Variants in FAM227A observed in about 807,000 individuals in gnomAD.
The protein encoded by FAM227A is family with sequence similarity 227 member A, also known as protein FAM227A.
A neutral mutation model predicts 74.7 loss-of-function variants in FAM227A; 80 were observed. The observed-to-expected ratio is 1.07, with a 90% CI of 0.89 to 1.29. FAM227A has a LOEUF of 1.29. FAM227A is among the 50% of genes most tolerant of loss of function. The pLI, the probability that FAM227A is intolerant of heterozygous loss-of-function variation, is 0.00. For synonymous variants in FAM227A, 237 were observed against 241.8 expected, an observed-to-expected ratio of 0.98 and a Z score of 0.19; for missense variants, 654 against 683.4, an observed-to-expected ratio of 0.96 and a Z score of 0.48.
rs114923363 is a variant in FAM227A, at chr22:38,637,613, C to A, written c.373-1016G>T. 4.4e-3 allele frequency among the ~76,000 whole-genome samples: 664 copies of A among 152,358 alleles called. 11 individuals are homozygous for A. Among genetic ancestry groups the A allele is most frequent in the African/African-American group, 0.016 (647 of 41,586 alleles). ...CAATGAAAGAACAGTTCATGATTCA[C>A]GGCACTGACTCTGAGTTAGATGACT... is the stretch of plus-strand genomic sequence containing the variant. On this transcript the variant is annotated intron_variant, in intron 5 of 16. Transcript: ENST00000535113.
At chr22:38,598,763 G>C (rs867747910) in intron 14 of FAM227A, among the ~76,000 whole-genome samples, 1 of 151,942 alleles carries the variant, frequency 6.6e-6, no homozygotes, top group Non-Finnish European at 1.5e-5. Context: ...CTATTTTACA[G>C]GTGAAAAAAA....
At chr22:38,595,601 C>G (rs958070842) in intron 15 of FAM227A, among the ~76,000 whole-genome samples, 1 of 152,176 alleles carries the variant, frequency 6.6e-6, no homozygotes, top group Admixed American at 6.5e-5. Flanking sequence ...TTCACACAGT[C>G]TGGGAGAATC....
chr22:38,650,132 T>C lies in FAM227A; in HGVS notation c.37A>G (p.Thr13Ala). The change falls in exon 2 of 17, where the codon ACC (threonine) becomes GCC (alanine). Residue 13 changes from threonine to alanine, a missense_variant. Transcript: ENST00000535113. ...TCCACTGGTATCATAGGTAGGGTGG[T>C]GAGGTTGATGACCTCCATCTTCCTG... Reference protein sequence around the residue: ...HFRKMEVINLTTLPMIPVDEH... With the variant: ...HFRKMEVINLATLPMIPVDEH... 4 of 1,551,784 alleles carry C rather than the reference T, an allele frequency of 2.6e-6. No individual in the cohort carries two copies.
chr22:38,590,897 G>A (rs1270099912), intron 16 of FAM227A, among the ~76,000 whole-genome samples: 1 of 151,992 alleles, frequency 6.6e-6, no homozygotes, highest in Non-Finnish European at 1.5e-5. Context: ...CGATTCTCCT[G>A]CCTCAGCCTC....
chr22:38,637,487 T>G (rs1300353973), intron 5 of FAM227A, among the ~76,000 whole-genome samples: 1 of 152,184 alleles, frequency 6.6e-6, no homozygotes, highest in Non-Finnish European at 1.5e-5. Flanking sequence ...ATAAAAAATG[T>G]AAAAATATGG....
chr22:38,613,435 T>C (rs914321752), intron 11 of FAM227A, among the ~76,000 whole-genome samples: 1 of 38,006 alleles, frequency 2.6e-5, no homozygotes, highest in Non-Finnish European at 7.8e-5. Flanking sequence ...TTGTTTGTTT[T>C]CCCCCCTGCA....
chr22:38,648,320 AAAAAG>A (rs944525338), intron 2 of FAM227A, among the ~76,000 whole-genome samples: 3 of 151,966 alleles, frequency 2.0e-5, no homozygotes, highest in Non-Finnish European at 4.4e-5. Flanking sequence ...AAAAAAAAAA[AAAAAG>A]GCTGGGTGCA....
intron 10 of FAM227A, among the ~76,000 whole-genome samples, chr22:38,621,117 G>A (rs2091680164): frequency 6.6e-6 from 1 of 152,030 alleles, no homozygotes; most frequent in Non-Finnish European, 1.5e-5. Context: ...TGGGTGGATT[G>A]CTTGAGCTCA....
At chr22:38,615,365 A>C (rs909647740) in intron 11 of FAM227A, among the ~76,000 whole-genome samples, 2 of 152,220 alleles carry the variant, frequency 1.3e-5, no homozygotes, top group African/African-American at 2.4e-5. Flanking sequence ...TCTAAACAAC[A>C]CATCAACCCA....
chr22:38,615,916 TG>T (rs1183394652), intron 11 of FAM227A, among the ~76,000 whole-genome samples: 59 of 152,100 alleles, frequency 3.9e-4, no homozygotes, highest in African/African-American at 1.4e-3. Flanking sequence ...TCACCTGGAT[TG>T]AGGTTCCTCA....
intron 15 of FAM227A, among the ~76,000 whole-genome samples, chr22:38,595,565 T>C (rs143409157): frequency 1.9e-3 from 295 of 152,372 alleles, no homozygotes; most frequent in African/African-American, 7.0e-3. Context: ...CTAAAACCAC[T>C]GTGTGAAAGA....
intron 15 of FAM227A, among the ~76,000 whole-genome samples, chr22:38,594,102 A>T (rs995731726): frequency 6.6e-6 from 1 of 152,158 alleles, no homozygotes; most frequent in Non-Finnish European, 1.5e-5. Context: ...ACAGGGACTT[A>T]CATCTTCCCC....
At chr22:38,629,426 C>T (rs1003065248) in intron 6 of FAM227A, among the ~76,000 whole-genome samples, 1 of 152,224 alleles carries the variant, frequency 6.6e-6, no homozygotes, top group Admixed American at 6.5e-5. Flanking sequence ...GCCCTGGCTC[C>T]AAAGCTCCCA....
chr22:38,604,144 T>C (rs1019732133), intron 13 of FAM227A, among the ~76,000 whole-genome samples: 2 of 151,956 alleles, frequency 1.3e-5, no homozygotes, highest in African/African-American at 4.8e-5. Flanking sequence ...CTGGCCAACA[T>C]GGTGAAACCC....
rs2090718505 is a variant in FAM227A at position 38,582,347 on chromosome 22, G to C, written c.*3778C>G. 6.5e-7 allele frequency: 1 copy of C among 1,549,824 alleles called. No individual in the cohort carries two copies. Among genetic ancestry groups the C allele is most frequent in the Admixed American group, 2.0e-5 (1 of 50,942 alleles). ...TAGGATTTTAACTTCATCTCTTCTAGTTTAACATCTGAATTTATCTTCTTC... is the reference window on the plus strand; with the variant it reads ...TAGGATTTTAACTTCATCTCTTCTACTTTAACATCTGAATTTATCTTCTTC... On this transcript the variant is annotated 3_prime_UTR_variant, in exon 17 of 17. Coordinates refer to ENST00000535113, the MANE Select transcript of FAM227A (RefSeq NM_001013647.2).
intron 5 of FAM227A, among the ~76,000 whole-genome samples, chr22:38,637,884 G>C (rs1224641719): frequency 2.0e-5 from 3 of 152,192 alleles, no homozygotes; most frequent in African/African-American, 7.2e-5. Flanking sequence ...AACAAGCTAA[G>C]GGCTGGGCAC....
chr22:38,591,201 G>C (rs2090926091), intron 16 of FAM227A, among the ~76,000 whole-genome samples: 2 of 152,150 alleles, frequency 1.3e-5, no homozygotes, highest in Admixed American at 1.3e-4. Context: ...GCACACACCT[G>C]TGGTCCCAGC....
chr22:38,603,330 A>G (rs1409646898), intron 13 of FAM227A, among the ~76,000 whole-genome samples: 3 of 151,996 alleles, frequency 2.0e-5, no homozygotes, highest in Non-Finnish European at 2.9e-5. Flanking sequence ...TCTACTAAAG[A>G]TACAAAAATT....
At chr22:38,609,013 G>C (rs187954512) in intron 11 of FAM227A, among the ~76,000 whole-genome samples, 81 of 151,772 alleles carry the variant, frequency 5.3e-4, no homozygotes, top group African/African-American at 1.8e-3. Context: ...GGCTGGTCTT[G>C]AACTCCCAAC....
Sources: gnomAD v4.1 joint callset for allele counts (sites outside exome capture counted in the v4.1 genomes callset) on GRCh38, gnomAD v4.1.1 for gene constraint, MANE v1.5 for transcripts, NCBI Gene and HGNC (gene_info 2026-07-23, HGNC 2026-07-21) for gene names.